CSMD1: variants seen among roughly 807,000 people sequenced by gnomAD.
The protein encoded by CSMD1 is CUB and Sushi multiple domains 1.
In CSMD1, 213 loss-of-function variants were observed where a neutral mutation model predicts 417.5. The ratio of observed to expected loss-of-function variants is 0.51; its 90% confidence interval spans 0.46 to 0.57. The LOEUF is 0.57. Among genes scored for constraint, CSMD1 ranks in the 20% least tolerant of loss-of-function variants. The probability of loss-of-function intolerance (pLI) is 0.00; values close to 1 mark genes in which losing one functional copy is unlikely to be tolerated. For missense variants in CSMD1, 6,923 were observed against 4,529.7 expected (o/e 1.53, Z -15.17); for synonymous variants, 2,862 against 1,736.8 (o/e 1.65, Z -16.11).
intron 3 of CSMD1, among the ~76,000 whole-genome samples, chr8:4,309,214 A>C (rs1798422734): frequency 6.6e-6 from 1 of 152,112 alleles, no homozygotes; most frequent in African/African-American, 2.4e-5. Context: ...GGTCAGTTTG[A>C]TATTACCGTT....
intron 3 of CSMD1, among the ~76,000 whole-genome samples, chr8:4,416,832 T>C (rs1483058846): frequency 2.0e-5 from 3 of 152,056 alleles, no homozygotes; most frequent in Non-Finnish European, 2.9e-5. Flanking sequence ...TTTTAATACT[T>C]GAGATTTTGA....
rs80121718 is a variant in CSMD1 at position 4,670,659 on chromosome 8, G to A, written c.86-33101C>T. On this transcript the variant is annotated intron_variant, in intron 1 of 69. Coordinates refer to ENST00000635120, the MANE Select transcript of CSMD1 (RefSeq NM_033225.6). ...AATGTTACCTGCTATAATATAAAATGTTCATCCAAATATTACTATGATAGG... is the reference window on the plus strand; with the variant it reads ...AATGTTACCTGCTATAATATAAAATATTCATCCAAATATTACTATGATAGG... 2.4e-3 allele frequency among the ~76,000 whole-genome samples: 367 copies of A among 152,214 alleles called. 4 individuals are homozygous for A. Among genetic ancestry groups the A allele is most frequent in the African/African-American group, 8.6e-3 (357 of 41,532 alleles).
chr8:4,415,132 T>C (rs913061802), intron 3 of CSMD1, among the ~76,000 whole-genome samples: 15 of 152,194 alleles, frequency 9.9e-5, no homozygotes, highest in Admixed American at 6.5e-4. Context: ...GTAAACTCAA[T>C]TTTCTACCCT....
At chr8:3,210,127 A>C (rs959414865) in intron 30 of CSMD1, among the ~76,000 whole-genome samples, 5 of 152,218 alleles carry the variant, frequency 3.3e-5, no homozygotes, top group African/African-American at 1.2e-4. Context: ...GTGGAGCAAA[A>C]GGCCCCGAGG....
At chr8:3,027,873 T>A (rs1048317486) in intron 51 of CSMD1, among the ~76,000 whole-genome samples, 2 of 152,254 alleles carry the variant, frequency 1.3e-5, no homozygotes, top group African/African-American at 2.4e-5. Context: ...GGTCAACGCC[T>A]TGCTACTAAT....
chr8:4,254,380 G>T (rs545699292), intron 3 of CSMD1, among the ~76,000 whole-genome samples: 1 of 152,168 alleles, frequency 6.6e-6, no homozygotes, highest in African/African-American at 2.4e-5. Context: ...GCTGCATGAC[G>T]ATGTCTCAGT....
At chr8:4,723,787 T>TAAAAAAAAAAAAAAAAAAAAA (rs57096241) in intron 1 of CSMD1, among the ~76,000 whole-genome samples, 2 of 131,492 alleles carry the variant, frequency 1.5e-5, no homozygotes, top group African/African-American at 6.0e-5. Context: ...CTTTCGAATG[T>TAAAAAAAAAAAAAAAAAAAAA]AAAAAAAAAA....
At chr8:3,838,994 AATTATAAT>A (rs1310094276) in intron 5 of CSMD1, among the ~76,000 whole-genome samples, 1 of 126,298 alleles carries the variant, frequency 7.9e-6, no homozygotes, top group East Asian at 2.5e-4. Flanking sequence ...TATATCATAT[AATTATAAT>A]ATTATATATT....
At chr8:4,446,755 C>CTGTGTGTGTGTGTGTGTGTGTGTG in intron 2 of CSMD1, among the ~76,000 whole-genome samples, 1 of 132,950 alleles carries the variant, frequency 7.5e-6, no homozygotes, top group Non-Finnish European at 1.6e-5. Context: ...GTGTGTGTGT[C>CTGTGTGTGTGTGTGTGTGTGTGTG]TGTGTGTGTG....
At chr8:3,469,645 T>G (rs904245357) in intron 11 of CSMD1, among the ~76,000 whole-genome samples, 2 of 152,172 alleles carry the variant, frequency 1.3e-5, no homozygotes, top group African/African-American at 2.4e-5. Flanking sequence ...CCTAATCAAA[T>G]AGGAAGCTTG....
intron 2 of CSMD1, among the ~76,000 whole-genome samples, chr8:4,458,923 T>C (rs964273829): frequency 2.0e-5 from 3 of 152,182 alleles, no homozygotes; most frequent in Non-Finnish European, 2.9e-5. Context: ...ATATTTAAGT[T>C]TCTGGAAGTG....
At chr8:3,410,924 G>A (rs969921173) in intron 12 of CSMD1, among the ~76,000 whole-genome samples, 1 of 152,060 alleles carries the variant, frequency 6.6e-6, no homozygotes, top group Non-Finnish European at 1.5e-5. Context: ...ATAGAGAGAT[G>A]GATGGAGGAG....
At chr8:4,370,620 T>C (rs1200399894) in intron 3 of CSMD1, among the ~76,000 whole-genome samples, 1 of 152,204 alleles carries the variant, frequency 6.6e-6, no homozygotes, top group South Asian at 2.1e-4. Flanking sequence ...TTTGGAAGTT[T>C]TGTCCATTTT....
intron 3 of CSMD1, among the ~76,000 whole-genome samples, chr8:4,387,039 G>A (rs550858188): frequency 6.6e-6 from 1 of 152,136 alleles, no homozygotes; most frequent in Non-Finnish European, 1.5e-5. Context: ...ATACATGGGG[G>A]ATATCCAGAT....
In CSMD1 at chr8:3,348,103, T is replaced by A. The variant is rs201143632; in HGVS notation, c.3363A>T (p.Pro1121=). ...ACTCATGGTTATTATCATAATTGGA[T>A]GGAAAATTTGGAGACAGTAATGTTC... ...NEGTLLSPNF[P]SNYDNNHECI... Residue 1121 remains proline, a synonymous_variant, in exon 22 of 70, where the codon CCA becomes CCT. Coordinates refer to ENST00000635120, the MANE Select transcript of CSMD1 (RefSeq NM_033225.6). 6.2e-7 allele frequency: 1 copy of A among 1,612,906 alleles called. No individual in the cohort carries two copies. Among genetic ancestry groups the A allele is most frequent in the Middle Eastern group, 1.7e-4 (1 of 6,048 alleles).
intron 5 of CSMD1, among the ~76,000 whole-genome samples, chr8:3,772,648 T>C (rs1018802690): frequency 6.9e-6 from 1 of 145,836 alleles, no homozygotes; most frequent in African/African-American, 2.5e-5. Context: ...TATACATATA[T>C]ACATATATAC....
At chr8:3,233,711 A>AACTAAGTT (rs1798985109) in intron 26 of CSMD1, among the ~76,000 whole-genome samples, 1 of 152,014 alleles carries the variant, frequency 6.6e-6, no homozygotes, top group South Asian at 2.1e-4. Context: ...TTCTCATGTA[A>AACTAAGTT]ACTAAGTTGT....
chr8:4,072,342 C>T (rs148333878), intron 3 of CSMD1, among the ~76,000 whole-genome samples: 3 of 152,280 alleles, frequency 2.0e-5, no homozygotes, highest in South Asian at 2.1e-4. Context: ...TTGACACAAA[C>T]GTACAAATAC....
chr8:4,796,142 C>T (rs1423946626), intron 1 of CSMD1, among the ~76,000 whole-genome samples: 2 of 151,896 alleles, frequency 1.3e-5, no homozygotes, highest in Admixed American at 6.6e-5. Context: ...ACCAAAAAAA[C>T]TTAAGCCTCA....
Sources: gnomAD v4.1 joint callset for allele counts (sites outside exome capture counted in the v4.1 genomes callset) on GRCh38, gnomAD v4.1.1 for gene constraint, MANE v1.5 for transcripts, NCBI Gene and HGNC (gene_info 2026-07-23, HGNC 2026-07-21) for gene names.